Variants in MAX observed in about 807,000 individuals in gnomAD.
MAX encodes MYC associated transcriptional regulator X, also known as protein max.
A neutral mutation model predicts 22.3 loss-of-function variants in MAX; 3 were observed. The observed-to-expected ratio is 0.13, with a 90% CI of 0.06 to 0.35. MAX has a LOEUF of 0.35. MAX is among the 10% of genes least tolerant of loss of function. The pLI, the probability that MAX is intolerant of heterozygous loss-of-function variation, is 1.00. For synonymous variants in MAX, 72 were observed against 77.7 expected, an observed-to-expected ratio of 0.93 and a Z score of 0.39; for missense variants, 119 against 209.4, an observed-to-expected ratio of 0.57 and a Z score of 2.66.
At position 65,062,997 on chromosome 14, in the gene MAX, T is replaced by C. The variant is rs1362831932; in HGVS notation, c.171+30711A>G. Among the ~76,000 whole-genome samples the C allele has an allele frequency of 6.6e-6, 1 of 152,208 alleles. No individual in the cohort carries two copies. The highest frequency in any genetic ancestry group is 1.5e-5 in the Non-Finnish European group (1 of 68,024). On this transcript the variant is annotated intron_variant, in intron 3 of 3. Transcript: ENST00000341653. The surrounding 1 kb of genome is among the most constrained non-coding windows in gnomAD (Gnocchi z 4.3). ...CTGACTTAGCAAGGGTGGGTGGATGTCTGGCCAGAGGCAGGGGCTGTCACA... is the reference window on the plus strand; with the variant it reads ...CTGACTTAGCAAGGGTGGGTGGATGCCTGGCCAGAGGCAGGGGCTGTCACA...
Position 65,078,510 on chromosome 14 carries a change from C to CTGTTGT in MAX, c.172-480_172-475dup, listed in dbSNP as rs1251966714. Among the ~76,000 whole-genome samples, 1 of 148,248 alleles carries CTGTTGT rather than the reference C, an allele frequency of 6.7e-6. No individual in the cohort carries two copies. On this transcript the variant is annotated intron_variant, in intron 3 of 4. Transcript: ENST00000358664. The surrounding 1 kb of genome is among the most constrained non-coding windows in gnomAD (Gnocchi z 6.4). ...ACAGGTGTGAGCCACTGCGCCCAGCCTGTTGTTGTTGTTGTTGTTGTTGTT... is the reference window on the plus strand; with the variant it reads ...ACAGGTGTGAGCCACTGCGCCCAGCCTGTTGTTGTTGTTGTTGTTGTTGTTGTTGTT...
At chr14:65,061,261 A>G (rs758099523) in intron 3 of MAX, 1 of 1,614,182 alleles carries the variant, frequency 6.2e-7, no homozygotes, top group Non-Finnish European at 8.5e-7. Context: ...AGCCAGTCCC[A>G]GGTTTTGAGG....
chr14:65,093,663 C>T lies in MAX; in HGVS notation c.171+45G>A, dbSNP rs1316100147. On this transcript the variant is annotated intron_variant, in intron 3 of 4. Coordinates refer to ENST00000358664, the MANE Select transcript of MAX (RefSeq NM_002382.5). This position sits in a 1 kb window ranked among gnomAD's most constrained non-coding sequence, Gnocchi z 4.4. ...GCTCTGCTAAGCTCTGCAACAAGTT[C>T]CAAGCTAGTAGTGGCCAGCTACTCA... The T allele has an allele frequency of 9.8e-7, 1 of 1,020,422 alleles. No homozygotes were observed. Among genetic ancestry groups the T allele is most frequent in the South Asian group, 1.3e-5 (1 of 79,066 alleles). 63.2% of individuals were successfully genotyped at this position (1,020,422 alleles called of 1,614,324 possible).
chr14:65,084,132 T>A lies in MAX; in HGVS notation c.172-6096A>T, dbSNP rs372598315. ...GCTATCAGCCCTCAAGCAGCTTAATTAAAGCCAGGAGTAAGACATTTGTGT... is the reference window on the plus strand; with the variant it reads ...GCTATCAGCCCTCAAGCAGCTTAATAAAAGCCAGGAGTAAGACATTTGTGT... On this transcript the variant is annotated intron_variant, in intron 3 of 4. Coordinates refer to ENST00000358664, the MANE Select transcript of MAX (RefSeq NM_002382.5). The surrounding 1 kb of genome is among the most constrained non-coding windows in gnomAD (Gnocchi z 4.3). 48 of 1,609,262 alleles carry A rather than the reference T, an allele frequency of 3.0e-5. No homozygotes were observed. The highest frequency in any genetic ancestry group is 4.0e-5 in the Non-Finnish European group (47 of 1,177,012).
chr14:65,095,121 A>T (rs1479818571), intron 2 of MAX, among the ~76,000 whole-genome samples: 1 of 152,208 alleles, frequency 6.6e-6, no homozygotes, highest in East Asian at 1.9e-4. Flanking sequence ...TTTAATCCTA[A>T]AAGTCCCAGT....
chr14:65,053,318 C>T, intron 3 of MAX: 2 of 1,444,770 alleles, frequency 1.4e-6, no homozygotes, highest in Non-Finnish European at 1.8e-6. Context: ...CTGCCAGTGC[C>T]CTGCGGGGGG....
Position 65,054,811 on chromosome 14 carries a change from C to A in MAX, c.171+38897G>T. 9.1e-7 allele frequency: 1 copy of A among 1,100,266 alleles called. No individual in the cohort carries two copies. The highest frequency in any genetic ancestry group is 1.3e-6 in the Non-Finnish European group (1 of 767,872). The allele number at this position is 1,100,266 out of a possible 1,614,324, so 68.2% of individuals were successfully genotyped here. A position where few individuals can be genotyped will look rare whatever the true frequency, so the allele number is the denominator to read the frequency against. On this transcript the variant is annotated intron_variant, in intron 3 of 3. Transcript: ENST00000341653. This position sits in a 1 kb window ranked among gnomAD's most constrained non-coding sequence, Gnocchi z 4.4. Reference sequence around the variant, plus strand: ...GGACAGGCGGAAGCTTGTGGTCCCTCTGCCCTTCGAGCTGTGCAGCCGTTA... The same window carrying A: ...GGACAGGCGGAAGCTTGTGGTCCCTATGCCCTTCGAGCTGTGCAGCCGTTA...
intron 3 of MAX, among the ~76,000 whole-genome samples, chr14:65,025,353 A>G (rs541299948): frequency 6.6e-6 from 1 of 152,334 alleles, no homozygotes; most frequent in African/African-American, 2.4e-5. Context: ...GTTTTGTATC[A>G]GCTAAAACTT....
rs951047779 is a variant in MAX, at chr14:65,027,708, C to A, written c.172-21424G>T. 6.2e-7 allele frequency: 1 copy of A among 1,614,094 alleles called. No individual in the cohort carries two copies. Among genetic ancestry groups the A allele is most frequent in the Admixed American group, 1.7e-5 (1 of 60,006 alleles). ...TTCCCTGTTTCTCAGAGAGAAGCTT[C>A]TTCAGTATTTGTACTCCCTGAAGCA... On this transcript the variant is annotated intron_variant, in intron 3 of 3. Transcript: ENST00000341653. The surrounding 1 kb of genome is among the most constrained non-coding windows in gnomAD (Gnocchi z 5.7).
At chr14:65,033,136 A>G (rs1369771624) in intron 3 of MAX, among the ~76,000 whole-genome samples, 3 of 152,236 alleles carry the variant, frequency 2.0e-5, no homozygotes, top group African/African-American at 7.2e-5. Flanking sequence ...TAAGTGTGGT[A>G]TAGTTGCATC....
Position 65,027,607 on chromosome 14 carries a change from G to A in MAX, c.172-21323C>T. ...CTATGACATCATTAACAGGTACAGT[G>A]AAAGCCAGCAGTGACAGAAACCTAG... On this transcript the variant is annotated intron_variant, in intron 3 of 3. Transcript: ENST00000341653. The surrounding 1 kb of genome is among the most constrained non-coding windows in gnomAD (Gnocchi z 5.7). 1 of 1,614,124 alleles carries A rather than the reference G, an allele frequency of 6.2e-7. No homozygotes were observed. The highest frequency in any genetic ancestry group is 8.5e-7 in the Non-Finnish European group (1 of 1,179,990).
In MAX at chr14:65,047,774, C is replaced by T. The variant is rs1185974440; in HGVS notation, c.172-41490G>A. On this transcript the variant is annotated intron_variant, in intron 3 of 3. Coordinates refer to the MAX transcript ENST00000341653. This position sits in a 1 kb window ranked among gnomAD's most constrained non-coding sequence, Gnocchi z 5.2. ...GTTAAATAATAAAAATCTCTCCAAA[C>T]AGTAGCTGCATACCATGGGCTGATA... Among the ~76,000 whole-genome samples the T allele has an allele frequency of 2.0e-5, 3 of 152,182 alleles. No homozygotes were observed. Among genetic ancestry groups the T allele is most frequent in the East Asian group, 3.9e-4 (2 of 5,160 alleles).
rs749197525 is a variant in MAX, at chr14:65,084,209, C to T, written c.172-6173G>A. Reference sequence around the variant, plus strand: ...ATCTTGCATTCTTTTTTCTTGTGCACTTGGTAGCTTGAAATGAAGGTGTGG... The same window carrying T: ...ATCTTGCATTCTTTTTTCTTGTGCATTTGGTAGCTTGAAATGAAGGTGTGG... On this transcript the variant is annotated intron_variant, in intron 3 of 4. Coordinates refer to ENST00000358664, the MANE Select transcript of MAX (RefSeq NM_002382.5). This position sits in a 1 kb window ranked among gnomAD's most constrained non-coding sequence, Gnocchi z 4.3. 1.9e-6 allele frequency: 3 copies of T among 1,614,058 alleles called. No individual in the cohort carries two copies. Among genetic ancestry groups the T allele is most frequent in the Non-Finnish European group, 2.5e-6 (3 of 1,179,970 alleles).
chr14:65,092,444 T>C (rs1017981927), intron 3 of MAX, among the ~76,000 whole-genome samples: 11 of 152,214 alleles, frequency 7.2e-5, no homozygotes, highest in Admixed American at 1.3e-4. Flanking sequence ...GAGATAATCT[T>C]TGGCATGTGT....
intron 2 of MAX, among the ~76,000 whole-genome samples, chr14:65,099,952 C>A (rs1194350813): frequency 6.6e-6 from 1 of 152,186 alleles, no homozygotes; most frequent in Non-Finnish European, 1.5e-5. Flanking sequence ...TCTGCTTAGA[C>A]AACCTGCACA....
chr14:65,092,977 C>CT (rs1210689628), intron 3 of MAX, among the ~76,000 whole-genome samples: 1 of 152,232 alleles, frequency 6.6e-6, no homozygotes, highest in Non-Finnish European at 1.5e-5. Flanking sequence ...AAGGATGGAA[C>CT]TAGCCATGCA....
At position 65,079,389 on chromosome 14, in the gene MAX, T is replaced by A. The variant is rs2063146597; in HGVS notation, c.172-1353A>T. Among the ~76,000 whole-genome samples, 1 of 152,172 alleles carries A rather than the reference T, an allele frequency of 6.6e-6. No individual in the cohort carries two copies. The highest frequency in any genetic ancestry group is 6.5e-5 in the Admixed American group (1 of 15,284). On this transcript the variant is annotated intron_variant, in intron 3 of 4. Coordinates refer to ENST00000358664, the MANE Select transcript of MAX (RefSeq NM_002382.5). This position sits in a 1 kb window ranked among gnomAD's most constrained non-coding sequence, Gnocchi z 4.5. ...CTGGGTACTGCCTTGCTAGAGTAAG[T>A]TCGTAAGTCAATAACATGGATGTCA...
At chr14:65,099,198 A>G (rs573301706) in intron 2 of MAX, among the ~76,000 whole-genome samples, 1 of 152,198 alleles carries the variant, frequency 6.6e-6, no homozygotes, top group Non-Finnish European at 1.5e-5. Context: ...GTTGTTTGAT[A>G]TACTATAAAA....
At chr14:65,033,564 T>A (rs2062127768) in intron 3 of MAX, among the ~76,000 whole-genome samples, 1 of 152,118 alleles carries the variant, frequency 6.6e-6, no homozygotes, top group Admixed American at 6.6e-5. Context: ...ATTTCATAGT[T>A]TAAAAAAAGC....
Sources: allele counts gnomAD v4.1 joint callset (sites outside exome capture counted in the v4.1 genomes callset), GRCh38; gene constraint gnomAD v4.1.1; non-coding constraint Gnocchi (gnomAD v3.1); transcripts MANE v1.5; gene names NCBI Gene and HGNC (gene_info 2026-07-23, HGNC 2026-07-21).